TMEM117: variants seen among roughly 807,000 people sequenced by gnomAD.
TMEM117 encodes the protein transmembrane protein 117.
TMEM117 carries 27 observed loss-of-function variants against 52.4 expected under a neutral mutation model. That is an observed-to-expected ratio of 0.51 (90% CI 0.38 to 0.71). The LOEUF (loss-of-function observed/expected upper bound fraction) is 0.71. Among genes scored for constraint, TMEM117 ranks in the 30% least tolerant of loss-of-function variants. The probability of loss-of-function intolerance (pLI) is 0.00; values close to 1 mark genes in which losing one functional copy is unlikely to be tolerated. For synonymous variants in TMEM117, 215 were observed against 206.3 expected (o/e 1.04, Z -0.36); for missense variants, 556 against 630.5 (o/e 0.88, Z 1.26).
downstream of TMEM117, among the ~76,000 whole-genome samples, chr12:44,393,972 C>T (rs1324704779): frequency 1.3e-5 from 2 of 152,064 alleles, no homozygotes; most frequent in African/African-American, 2.4e-5. Context: ...TGGAGCTCTG[C>T]ATGTTTTGAA....
intron 6 of TMEM117, chr12:44,318,267 C>T (rs1951084948): frequency 6.6e-6 from 1 of 152,268 alleles, no homozygotes; most frequent in African/African-American, 2.4e-5. Context: ...GGGTGGGAGA[C>T]TCAGGCTGCT....
chr12:43,819,549 C>G, the TMEM117 span, among the ~76,000 whole-genome samples: 1 of 151,952 alleles, frequency 6.6e-6, no homozygotes, highest in African/African-American at 2.4e-5. Context: ...TTGAGGCAGG[C>G]GGATCACGAG....
chr12:44,059,550 A>C (rs527334787), intron 3 of TMEM117, among the ~76,000 whole-genome samples: 1 of 152,266 alleles, frequency 6.6e-6, no homozygotes, highest in East Asian at 1.9e-4. Flanking sequence ...GGATTATGGC[A>C]TCCATTTTGT....
At chr12:44,202,265 G>T (rs1204329269) in intron 4 of TMEM117, among the ~76,000 whole-genome samples, 1 of 152,040 alleles carries the variant, frequency 6.6e-6, no homozygotes. Context: ...GAACAAAATA[G>T]AAACCTTTCA....
At chr12:43,984,292 C>T (rs567661277) in intron 3 of TMEM117, among the ~76,000 whole-genome samples, 3 of 151,960 alleles carry the variant, frequency 2.0e-5, no homozygotes, top group East Asian at 1.9e-4. Flanking sequence ...CGCTTAAACC[C>T]GGGATGTGGA....
intron 4 of TMEM117, among the ~76,000 whole-genome samples, chr12:44,171,025 T>C (rs1177169840): frequency 6.7e-6 from 1 of 149,012 alleles, no homozygotes; most frequent in Non-Finnish European, 1.5e-5. Flanking sequence ...TTTTTTTTTT[T>C]TTTTTTTTGA....
intron 6 of TMEM117, among the ~76,000 whole-genome samples, chr12:44,364,660 C>T (rs1951766088): frequency 6.6e-6 from 1 of 152,056 alleles, no homozygotes; most frequent in Admixed American, 6.6e-5. Context: ...TCTTGTAACA[C>T]AGTAACTTAA....
intron 2 of TMEM117, among the ~76,000 whole-genome samples, chr12:43,845,369 G>A (rs192425543): frequency 4.7e-5 from 7 of 148,220 alleles, no homozygotes; most frequent in Admixed American, 4.1e-4. Flanking sequence ...GCTGAGGTGG[G>A]AGAATCGCTT....
At chr12:43,797,723 G>A in the TMEM117 span, 1 of 1,612,174 alleles carries the variant, frequency 6.2e-7, no homozygotes, top group Non-Finnish European at 8.5e-7. Flanking sequence ...GCACATAGTT[G>A]AGCTGTCTAT....
intron 3 of TMEM117, among the ~76,000 whole-genome samples, chr12:44,079,100 A>G (rs917228397): frequency 2.6e-5 from 4 of 151,904 alleles, no homozygotes; most frequent in Non-Finnish European, 4.4e-5. Flanking sequence ...CATTTTCCTT[A>G]TCCAGCCTAT....
At chr12:44,152,650 T>C (rs1481275398) in intron 4 of TMEM117, among the ~76,000 whole-genome samples, 1 of 130,972 alleles carries the variant, frequency 7.6e-6, no homozygotes, top group Admixed American at 8.4e-5. Context: ...TTTTTATATA[T>C]AATATTTATA....
chr12:43,955,882 C>T (rs147401113), intron 3 of TMEM117, among the ~76,000 whole-genome samples: 1 of 152,110 alleles, frequency 6.6e-6, no homozygotes, highest in Admixed American at 6.5e-5. Flanking sequence ...TGCTATGATG[C>T]CTTTAAACTT....
intron 3 of TMEM117, among the ~76,000 whole-genome samples, chr12:44,015,119 C>T (rs576008990): frequency 6.6e-6 from 1 of 151,934 alleles, no homozygotes; most frequent in Admixed American, 6.6e-5. Flanking sequence ...AATTTTTTTC[C>T]TCTTTGGCTG....
intron 3 of TMEM117, among the ~76,000 whole-genome samples, chr12:43,949,706 G>C (rs570378214): frequency 6.6e-6 from 1 of 152,250 alleles, no homozygotes; most frequent in East Asian, 1.9e-4. Flanking sequence ...ATGGTAGCCT[G>C]ACATTCCTGA....
chr12:43,961,096 A>T (rs950139203), intron 3 of TMEM117, among the ~76,000 whole-genome samples: 2 of 152,180 alleles, frequency 1.3e-5, no homozygotes, highest in Non-Finnish European at 2.9e-5. Context: ...TAAAATGAGG[A>T]TGTTAGTACC....
At chr12:43,881,049 C>T (rs1943887474) in intron 2 of TMEM117, among the ~76,000 whole-genome samples, 1 of 152,144 alleles carries the variant, frequency 6.6e-6, no homozygotes, top group South Asian at 2.1e-4. Flanking sequence ...GTTAAATCTA[C>T]TTTTTAATGC....
chr12:43,945,533 G>T (rs1256396609), intron 3 of TMEM117, among the ~76,000 whole-genome samples: 1 of 152,098 alleles, frequency 6.6e-6, no homozygotes, highest in Non-Finnish European at 1.5e-5. Context: ...ATGTTGGTTC[G>T]TCTGGTCTCG....
intron 2 of TMEM117, among the ~76,000 whole-genome samples, chr12:43,907,177 G>A (rs1944406989): frequency 6.6e-6 from 1 of 152,168 alleles, no homozygotes; most frequent in African/African-American, 2.4e-5. Flanking sequence ...CCCTCAAGTG[G>A]GTCCCTGACC....
chr12:44,279,882 A>G (rs1364784201), intron 5 of TMEM117, among the ~76,000 whole-genome samples: 2 of 152,044 alleles, frequency 1.3e-5, no homozygotes, highest in Non-Finnish European at 2.9e-5. Flanking sequence ...TTCAGTCTTT[A>G]TCCTATGAAA....
Sources: gnomAD v4.1 joint callset for allele counts (sites outside exome capture counted in the v4.1 genomes callset) on GRCh38, gnomAD v4.1.1 for gene constraint, MANE v1.5 for transcripts, NCBI Gene and HGNC (gene_info 2026-07-23, HGNC 2026-07-21) for gene names.